RBM38: variants seen among roughly 807,000 people sequenced by gnomAD.
The protein encoded by RBM38 is RNA-binding protein 38.
In RBM38, 11 loss-of-function variants were observed where a neutral mutation model predicts 23.5. The observed-to-expected ratio is 0.47, with a 90% CI of 0.29 to 0.77. The LOEUF is 0.77. RBM38 is among the 30% of genes least tolerant of loss of function. The pLI is 0.08. For missense variants in RBM38, 330 were observed against 351.9 expected (o/e 0.94, Z 0.50); for synonymous variants, 165 against 166.1 (o/e 0.99, Z 0.05).
chr20:57,392,173 G>A (rs2067226073), intron 1 of RBM38: 2 of 308,736 alleles, frequency 6.5e-6, no homozygotes, highest in East Asian at 1.1e-4. Flanking sequence ...CCACCCCGGG[G>A]TGTTAGGAGC....
chr20:57,404,035 C>T lies in RBM38; in HGVS notation c.417-3508C>T, dbSNP rs975328489. 2.0e-5 allele frequency among the ~76,000 whole-genome samples: 3 copies of T among 152,388 alleles called. No individual in the cohort carries two copies. In the East Asian group the frequency reaches 5.8e-4, roughly 29 times the overall value. ...TCAGGAAACAGGAGAGCCCCGCCTT[C>T]CTCCCCAGCCTAAACATTGCTCACC... On this transcript the variant is annotated intron_variant, in intron 3 of 3. Coordinates refer to ENST00000356208, the MANE Select transcript of RBM38 (RefSeq NM_017495.6).
intron 1 of RBM38, 23 bp from the exon 2 acceptor site, chr20:57,392,631 C>T: frequency 1.2e-6 from 2 of 1,605,562 alleles, no homozygotes; most frequent in Non-Finnish European, 1.7e-6. Context: ...ACGGCAGCCC[C>T]TGATGTGTCT....
At chr20:57,405,500 G>A (rs2146219424) in intron 3 of RBM38, among the ~76,000 whole-genome samples, 1 of 152,342 alleles carries the variant, frequency 6.6e-6, no homozygotes, top group South Asian at 2.1e-4. Flanking sequence ...TGGAGGGTTG[G>A]CCGTGTGGGC....
intron 3 of RBM38, among the ~76,000 whole-genome samples, chr20:57,405,359 C>G (rs2067371754): frequency 6.6e-6 from 1 of 152,234 alleles, no homozygotes; most frequent in South Asian, 2.1e-4. Flanking sequence ...CCAGGCCTGG[C>G]TCCGCGCGAG....
At chr20:57,394,563 C>T (rs988660698) in intron 3 of RBM38, among the ~76,000 whole-genome samples, 4 of 152,230 alleles carry the variant, frequency 2.6e-5, no homozygotes, top group Middle Eastern at 3.4e-3. Flanking sequence ...AGGTTCCTGC[C>T]GGGGTGCCTC....
At position 57,409,272 on chromosome 20, in the gene RBM38, C is replaced by T. The variant is rs948993483; in HGVS notation, c.*1426C>T. 3.3e-5 allele frequency: 5 copies of T among 152,536 alleles called. No individual in the cohort carries two copies. Among genetic ancestry groups the T allele is most frequent in the African/African-American group, 1.2e-4 (5 of 41,456 alleles). The allele number at this position is 152,536 out of a possible 1,614,324, so 9.4% of individuals were successfully genotyped here. The stretch of plus-strand genomic sequence containing the variant: ...AGAGAATAAAGGTAGCTAATCTCAT[C>T]ATAATATTTTTATTAGAATGTTCTG... On this transcript the variant is annotated 3_prime_UTR_variant, in exon 4 of 4. Coordinates refer to ENST00000356208, the MANE Select transcript of RBM38 (RefSeq NM_017495.6).
At chr20:57,405,366 C>T (rs552304399) in intron 3 of RBM38, among the ~76,000 whole-genome samples, 66 of 152,308 alleles carry the variant, frequency 4.3e-4, no homozygotes, top group Admixed American at 4.0e-3. Flanking sequence ...TGGCTCCGCG[C>T]GAGGCCCTTG....
rs974463340 is a variant in RBM38 at position 57,408,403 on chromosome 20, G to T, written c.*557G>T. ...CAGGGCACGTGGGCGGCTTCCTCAAGCCCGGAGGAGCTCCCAGGCGCACAG... is the reference window on the plus strand; with the variant it reads ...CAGGGCACGTGGGCGGCTTCCTCAATCCCGGAGGAGCTCCCAGGCGCACAG... On this transcript the variant is annotated 3_prime_UTR_variant, in exon 4 of 4. Transcript: ENST00000356208. The T allele has an allele frequency of 1.3e-5, 2 of 154,928 alleles. No homozygotes were observed. Among genetic ancestry groups the T allele is most frequent in the African/African-American group, 4.8e-5 (2 of 41,498 alleles). 9.6% of individuals were successfully genotyped at this position (154,928 alleles called of 1,614,324 possible). A position where few individuals can be genotyped will look rare whatever the true frequency, so the allele number is the denominator to read the frequency against.
At chr20:57,406,846 T>C (rs2067389481) in intron 3 of RBM38, among the ~76,000 whole-genome samples, 1 of 152,008 alleles carries the variant, frequency 6.6e-6, no homozygotes, top group Admixed American at 6.5e-5. Flanking sequence ...ACAAAAAAAT[T>C]AGCCGAGCGT....
At position 57,407,643 on chromosome 20, in the gene RBM38, A is replaced by C; in HGVS notation, c.517A>C (p.Thr173Pro). 1.2e-6 allele frequency: 2 copies of C among 1,613,190 alleles called. No individual in the cohort carries two copies. Among genetic ancestry groups the C allele is most frequent in the Non-Finnish European group, 1.7e-6 (2 of 1,179,814 alleles). The change falls in exon 4 of 4, where the codon ACG becomes CCG. Residue 173 changes from threonine to proline, a missense_variant. This residue lies in a region of RBM38 where 227 missense variants were observed against 216.4 expected (regional missense o/e 1.05). Transcript: ENST00000356208. This position sits in a 1 kb window ranked among gnomAD's most constrained non-coding sequence, Gnocchi z 4.0. ...PSLSSPYIEY[T>P]PASPAYAQYP... is the part of the protein sequence containing the mutation. The stretch of plus-strand genomic sequence containing the variant: ...GCTGTCCTCGCCCTACATTGAGTAC[A>C]CGCCGGCCAGCCCGGCCTACGCCCA...
rs3067272 is a variant in RBM38, at chr20:57,398,249, CGTGT to C, written c.416+4939_416+4942del. Among the ~76,000 whole-genome samples the C allele has an allele frequency of 6.9e-3, 1,033 of 148,992 alleles. 3 individuals are homozygous for C. Among genetic ancestry groups the C allele is most frequent in the Middle Eastern group, 0.014 (4 of 288 alleles). On this transcript the variant is annotated intron_variant, in intron 3 of 3. Coordinates refer to ENST00000356208, the MANE Select transcript of RBM38 (RefSeq NM_017495.6). ...CAGAGGAGCTGTTTGCAGGTGATGG[CGTGT>C]GTGTGTGTGTGTGTGTGTGTGTACG...
At chr20:57,401,321 C>T (rs2067325901) in intron 3 of RBM38, among the ~76,000 whole-genome samples, 2 of 152,160 alleles carry the variant, frequency 1.3e-5, no homozygotes, top group Admixed American at 6.5e-5. Context: ...GGCACCTGGT[C>T]GGGGAGCAGA....
At chr20:57,405,817 G>A (rs749339115) in intron 3 of RBM38, among the ~76,000 whole-genome samples, 25 of 150,380 alleles carry the variant, frequency 1.7e-4, no homozygotes, top group Non-Finnish European at 3.4e-4. Context: ...GAGGGAGCTC[G>A]CAGGGCTCCT....
chr20:57,398,039 C>T (rs984960666), intron 3 of RBM38, among the ~76,000 whole-genome samples: 1 of 152,128 alleles, frequency 6.6e-6, no homozygotes, highest in African/African-American at 2.4e-5. Context: ...ATGCAGCGTG[C>T]TGAAGGCCTG....
At chr20:57,392,490 C>A in intron 1 of RBM38, 164 bp from the exon 2 acceptor site, 1 of 1,534,494 alleles carries the variant, frequency 6.5e-7, no homozygotes. Context: ...GGGAGAGCCC[C>A]AGGTAGGGTT....
intron 3 of RBM38, among the ~76,000 whole-genome samples, chr20:57,398,621 T>A (rs533708514): frequency 1.4e-4 from 21 of 152,378 alleles, no homozygotes; most frequent in Middle Eastern, 3.4e-3. Flanking sequence ...GTGGCCCTCC[T>A]GGGCGGGCGC....
chr20:57,398,628 G>T (rs1176925291), intron 3 of RBM38, among the ~76,000 whole-genome samples: 2 of 152,268 alleles, frequency 1.3e-5, no homozygotes, highest in African/African-American at 4.8e-5. Flanking sequence ...TCCTGGGCGG[G>T]CGCCCGTGCC....
chr20:57,399,162 C>A (rs1445500530), intron 3 of RBM38, among the ~76,000 whole-genome samples: 1 of 152,194 alleles, frequency 6.6e-6, no homozygotes, highest in Non-Finnish European at 1.5e-5. Context: ...CGGGGAGGCT[C>A]AGGGCCCGAC....
Position 57,391,550 on chromosome 20 carries a change from G to C in RBM38, c.-32G>C. The C allele has an allele frequency of 1.1e-6, 1 of 902,240 alleles. No individual in the cohort carries two copies. The highest frequency in any genetic ancestry group is 1.4e-6 in the Non-Finnish European group (1 of 733,698). The allele number at this position is 902,240 out of a possible 1,614,324, so 55.9% of individuals were successfully genotyped here. A position where few individuals can be genotyped will look rare whatever the true frequency, so the allele number is the denominator to read the frequency against. ...GCCCCCCATGAGCGCAGCCCCGCGC[G>C]GCCCGGGTCCGTAGGCGGCGGGGCG... On this transcript the variant is annotated 5_prime_UTR_variant, in exon 1 of 4. Transcript: ENST00000356208.
Sources: gnomAD v4.1 joint callset for allele counts (sites outside exome capture counted in the v4.1 genomes callset) on GRCh38, gnomAD v4.1.1 for gene constraint, gnomAD v4.1.1 regional missense constraint, Gnocchi (gnomAD v3.1) non-coding constraint, MANE v1.5 for transcripts, NCBI Gene and HGNC (gene_info 2026-07-23, HGNC 2026-07-21) for gene names.